EXT1: variants seen among roughly 807,000 people sequenced by gnomAD.
EXT1 encodes exostosin-1.
A neutral mutation model predicts 82.5 loss-of-function variants in EXT1; 20 were observed. That is an observed-to-expected ratio of 0.24 (90% confidence interval 0.17 to 0.35). EXT1 has a LOEUF of 0.35. Ranked by LOEUF, EXT1 falls within the 10% of genes least tolerant of loss-of-function variation. The pLI, the probability that EXT1 is intolerant of heterozygous loss-of-function variation, is 1.00. For missense variants in EXT1, 757 were observed against 936.5 expected (o/e 0.81, Z 2.50); for synonymous variants, 348 against 350.8 (o/e 0.99, Z 0.09).
rs1387295533 is a variant in EXT1 at position 117,908,646 on chromosome 8, C to CA, written c.963-71446dup. Reference sequence around the variant, plus strand: ...CACCATCTCAAAACAAAAACAAAAACAAAAAAAACCAACAAAAAACAAAAA... The same window carrying CA: ...CACCATCTCAAAACAAAAACAAAAACAAAAAAAAACCAACAAAAAACAAAAA... On this transcript the variant is annotated intron_variant, in intron 1 of 10. Coordinates refer to ENST00000378204, the MANE Select transcript of EXT1 (RefSeq NM_000127.3). Among the ~76,000 whole-genome samples, 34 of 151,312 alleles carry CA rather than the reference C, an allele frequency of 2.2e-4. 1 individual carries two copies. Among genetic ancestry groups the CA allele is most frequent in the Middle Eastern group, 3.4e-3 (1 of 292 alleles).
intron 1 of EXT1, among the ~76,000 whole-genome samples, chr8:118,064,709 G>C (rs978786963): frequency 6.6e-6 from 1 of 152,122 alleles, no homozygotes; most frequent in Non-Finnish European, 1.5e-5. Context: ...TGGGATTGCT[G>C]AGTCAAATGG....
At chr8:118,098,757 T>TA (rs1817665036) in intron 1 of EXT1, among the ~76,000 whole-genome samples, 1 of 41,050 alleles carries the variant, frequency 2.4e-5, no homozygotes. Context: ...AGACTCTGTC[T>TA]CAAAAAAAAA....
chr8:118,064,699 T>C (rs1322163878), intron 1 of EXT1, among the ~76,000 whole-genome samples: 1 of 152,170 alleles, frequency 6.6e-6, no homozygotes, highest in Non-Finnish European at 1.5e-5. Context: ...TACCCAGTAA[T>C]GGGATTGCTG....
At chr8:118,082,479 A>G (rs1037112792) in intron 1 of EXT1, among the ~76,000 whole-genome samples, 27 of 152,236 alleles carry the variant, frequency 1.8e-4, no homozygotes, top group African/African-American at 6.0e-4. Flanking sequence ...TTATTTTCCA[A>G]TAAGATCTTT....
At chr8:117,803,586 C>A (rs1823198169) in intron 10 of EXT1, among the ~76,000 whole-genome samples, 1 of 151,982 alleles carries the variant, frequency 6.6e-6, no homozygotes, top group Non-Finnish European at 1.5e-5. Context: ...GACCTGATAC[C>A]AAGATGGTGG....
chr8:118,016,059 T>C (rs1302205254), intron 1 of EXT1, among the ~76,000 whole-genome samples: 3 of 152,212 alleles, frequency 2.0e-5, no homozygotes, highest in African/African-American at 7.2e-5. Flanking sequence ...TCTGGACTTC[T>C]AGACTTCGCA....
intron 1 of EXT1, among the ~76,000 whole-genome samples, chr8:118,007,569 C>G (rs543428948): frequency 1.1e-4 from 17 of 152,206 alleles, no homozygotes; most frequent in Non-Finnish European, 2.4e-4. Flanking sequence ...ACACATTTAC[C>G]TAGGTAACAA....
chr8:117,903,050 T>C lies in EXT1; in HGVS notation c.963-65849A>G, dbSNP rs118124300. The stretch of plus-strand genomic sequence containing the variant: ...CCACAACCTACACTGTCATAAATCA[T>C]TCATTCACTCCATCTGTATTTATGA... On this transcript the variant is annotated intron_variant, in intron 1 of 10. Coordinates refer to ENST00000378204, the MANE Select transcript of EXT1 (RefSeq NM_000127.3). Among the ~76,000 whole-genome samples the C allele has an allele frequency of 3.0e-3, 463 of 152,338 alleles. 1 individual carries two copies. The highest frequency in any genetic ancestry group is 4.9e-3 in the Non-Finnish European group (334 of 68,028).
At chr8:118,031,896 T>C (rs928838634) in intron 1 of EXT1, among the ~76,000 whole-genome samples, 1 of 152,058 alleles carries the variant, frequency 6.6e-6, no homozygotes, top group Non-Finnish European at 1.5e-5. Flanking sequence ...TTTAATTGGC[T>C]ACGATGAGAC....
intron 1 of EXT1, among the ~76,000 whole-genome samples, chr8:117,882,017 A>G (rs907361762): frequency 1.3e-4 from 20 of 152,228 alleles, no homozygotes; most frequent in African/African-American, 4.6e-4. Context: ...ATTTTCTGCC[A>G]TTTAACACCT....
rs186195690 is a variant in EXT1, at chr8:118,039,287, C to T, written c.962+70798G>A. ...TCTATTTCAACATTAATGCCAGGCA[C>T]GGTGGCTCACGCCTGTAATCCCAGC... On this transcript the variant is annotated intron_variant, in intron 1 of 10. Coordinates refer to ENST00000378204, the MANE Select transcript of EXT1 (RefSeq NM_000127.3). 5.2e-3 allele frequency among the ~76,000 whole-genome samples: 792 copies of T among 152,166 alleles called. 5 individuals carry two copies. Among genetic ancestry groups the T allele is most frequent in the Non-Finnish European group, 5.5e-3 (377 of 68,000 alleles).
chr8:118,094,998 C>T (rs1817584417), intron 1 of EXT1, among the ~76,000 whole-genome samples: 1 of 152,176 alleles, frequency 6.6e-6, no homozygotes, highest in Non-Finnish European at 1.5e-5. Flanking sequence ...CCTCCCTGAG[C>T]AAACATACAA....
At chr8:118,057,129 T>G (rs1390449040) in intron 1 of EXT1, among the ~76,000 whole-genome samples, 1 of 152,162 alleles carries the variant, frequency 6.6e-6, no homozygotes, top group Non-Finnish European at 1.5e-5. Context: ...CTAACCCTCA[T>G]CACATAATAG....
chr8:117,877,798 AT>A (rs1349390184), intron 1 of EXT1, among the ~76,000 whole-genome samples: 1 of 152,188 alleles, frequency 6.6e-6, no homozygotes, highest in African/African-American at 2.4e-5. Context: ...AGAATCCTGA[AT>A]TTTAGGAAAG....
chr8:117,859,889 G>A (rs1179604849), intron 1 of EXT1, among the ~76,000 whole-genome samples: 1 of 152,126 alleles, frequency 6.6e-6, no homozygotes. Flanking sequence ...GCTCACGCCT[G>A]TAATCCCAGC....
intron 1 of EXT1, among the ~76,000 whole-genome samples, chr8:117,922,817 A>G (rs1813881759): frequency 6.6e-6 from 1 of 152,100 alleles, no homozygotes; most frequent in Non-Finnish European, 1.5e-5. Flanking sequence ...ACCGTCCAAT[A>G]TTCCTTAATA....
chr8:117,812,502 T>C (rs1390284364), intron 8 of EXT1, among the ~76,000 whole-genome samples: 1 of 152,114 alleles, frequency 6.6e-6, no homozygotes, highest in Non-Finnish European at 1.5e-5. Flanking sequence ...GATTATCTCC[T>C]CCGGAAAGCA....
chr8:117,887,802 C>G (rs892873614), intron 1 of EXT1, among the ~76,000 whole-genome samples: 1 of 151,902 alleles, frequency 6.6e-6, no homozygotes, highest in South Asian at 2.1e-4. Flanking sequence ...TGCCTCTTCT[C>G]GGGCCTGGCA....
chr8:117,998,754 G>A (rs1262984033), intron 1 of EXT1, among the ~76,000 whole-genome samples: 1 of 152,124 alleles, frequency 6.6e-6, no homozygotes, highest in Non-Finnish European at 1.5e-5. Flanking sequence ...TGTTACCGAG[G>A]GCTAACTTGT....
Sources: gnomAD v4.1 joint callset for allele counts (sites outside exome capture counted in the v4.1 genomes callset) on GRCh38, gnomAD v4.1.1 for gene constraint, MANE v1.5 for transcripts, NCBI Gene and HGNC (gene_info 2026-07-23, HGNC 2026-07-21) for gene names.